Variants in SIPA1L3 observed in about 807,000 individuals in gnomAD.
SIPA1L3 encodes the protein signal-induced proliferation-associated 1-like protein 3.
A neutral mutation model predicts 150.1 loss-of-function variants in SIPA1L3; 59 were observed. The ratio of observed to expected loss-of-function variants is 0.39; its 90% CI spans 0.32 to 0.49. SIPA1L3 has a LOEUF of 0.49. Ranked by LOEUF, SIPA1L3 falls within the 20% of genes least tolerant of loss-of-function variation. The pLI is 0.86. For missense variants in SIPA1L3, 2,211 were observed against 2,489.5 expected, an observed-to-expected ratio of 0.89 and a Z score of 2.38; for synonymous variants, 1,070 against 1,077.6, an observed-to-expected ratio of 0.99 and a Z score of 0.14.
chr19:38,014,249 A>G (rs1292330805), intron 1 of SIPA1L3, among the ~76,000 whole-genome samples: 2 of 152,226 alleles, frequency 1.3e-5, no homozygotes, highest in African/African-American at 2.4e-5. Flanking sequence ...GCCAGGTGCC[A>G]TGGTGAGAAT....
chr19:38,060,962 G>A (rs1232567758), intron 2 of SIPA1L3, among the ~76,000 whole-genome samples: 2 of 152,252 alleles, frequency 1.3e-5, no homozygotes, highest in Non-Finnish European at 2.9e-5. Context: ...AGAGTGCTGG[G>A]ATTACAGGCG....
At chr19:37,965,757 C>G (rs2046898737) in intron 1 of SIPA1L3, among the ~76,000 whole-genome samples, 1 of 138,898 alleles carries the variant, frequency 7.2e-6, no homozygotes, top group Non-Finnish European at 1.5e-5. Context: ...TTAATTGTAT[C>G]TGGAATTTTT....
At chr19:37,983,905 CAA>C (rs397859822) in intron 1 of SIPA1L3, among the ~76,000 whole-genome samples, 131 of 75,866 alleles carry the variant, frequency 1.7e-3, no homozygotes, top group Non-Finnish European at 2.0e-3. Context: ...GACCCCATCT[CAA>C]AAAAAAAAAA....
At chr19:38,132,452 C>T (rs567731616) in intron 10 of SIPA1L3, among the ~76,000 whole-genome samples, 86 of 151,242 alleles carry the variant, frequency 5.7e-4, no homozygotes, top group African/African-American at 1.9e-3. Context: ...GGCGTGGTGG[C>T]GCATGCCTGT....
chr19:38,183,209 A>T (rs1445597435), intron 16 of SIPA1L3, among the ~76,000 whole-genome samples: 1 of 152,088 alleles, frequency 6.6e-6, no homozygotes, highest in Non-Finnish European at 1.5e-5. Context: ...CCTGACTGAG[A>T]TGGAGCCACG....
intron 8 of SIPA1L3, among the ~76,000 whole-genome samples, chr19:38,114,202 C>T (rs1459213650): frequency 6.6e-6 from 1 of 152,070 alleles, no homozygotes; most frequent in African/African-American, 2.4e-5. Context: ...AGGTGGATCA[C>T]CTGAGATCGG....
chr19:38,182,304 G>A (rs1195668096), intron 15 of SIPA1L3, among the ~76,000 whole-genome samples: 1 of 152,100 alleles, frequency 6.6e-6, no homozygotes, highest in East Asian at 1.9e-4. Flanking sequence ...GTGCTAGAAG[G>A]CCATCCTTGG....
intron 10 of SIPA1L3, chr19:38,130,980 G>T: frequency 1.7e-6 from 1 of 577,482 alleles, no homozygotes; most frequent in Non-Finnish European, 3.0e-6. Context: ...CCCTTCATAC[G>T]TGCATGATCG....
chr19:38,205,283 A>G (rs1221330097), intron 21 of SIPA1L3, among the ~76,000 whole-genome samples: 1 of 103,438 alleles, frequency 9.7e-6, no homozygotes, highest in Non-Finnish European at 1.9e-5. Flanking sequence ...AATATGGTGA[A>G]ACCCCGTCTC....
At position 37,921,247 on chromosome 19, in the gene SIPA1L3, C is replaced by T. The variant is rs553832350; in HGVS notation, c.-379+13889C>T. Among the ~76,000 whole-genome samples the T allele has an allele frequency of 1.3e-3, 191 of 152,350 alleles. 1 individual carries two copies. The highest frequency in any genetic ancestry group is 5.6e-3 in the South Asian group (27 of 4,828). On this transcript the variant is annotated intron_variant, in intron 1 of 21. Coordinates refer to ENST00000222345, the MANE Select transcript of SIPA1L3 (RefSeq NM_015073.3). Reference sequence around the variant, plus strand: ...TTACGGCCGGCCGGCGTGCGCTCCCCGCTCCCATCACTGCATTTGTGCTTT... The same window carrying T: ...TTACGGCCGGCCGGCGTGCGCTCCCTGCTCCCATCACTGCATTTGTGCTTT...
intron 12 of SIPA1L3, among the ~76,000 whole-genome samples, chr19:38,149,476 C>G (rs968395673): frequency 1.3e-5 from 2 of 152,106 alleles, no homozygotes; most frequent in African/African-American, 4.8e-5. Context: ...AGAGATGAAA[C>G]AAGGTAAAAT....
chr19:38,090,322 C>G (rs531872147), intron 4 of SIPA1L3, among the ~76,000 whole-genome samples: 1 of 144,694 alleles, frequency 6.9e-6, no homozygotes, highest in Non-Finnish European at 1.5e-5. Context: ...AAATGCAAAA[C>G]TCCATCTCAA....
intron 2 of SIPA1L3, among the ~76,000 whole-genome samples, chr19:38,034,591 G>A (rs1248339176): frequency 6.6e-6 from 1 of 152,174 alleles, no homozygotes; most frequent in Non-Finnish European, 1.5e-5. Context: ...CTTCCAGCAA[G>A]GGCAGAGCCC....
At position 38,119,356 on chromosome 19, in the gene SIPA1L3, C is replaced by A; in HGVS notation, c.2342C>A (p.Pro781His). Residue 781 changes from proline to histidine, a missense_variant, in exon 9 of 22, where the codon CCC becomes CAC. By Grantham distance (77) the Pro-to-His change is moderately conservative (BLOSUM62 -2). Around this residue, in one of 5 missense-constraint regions of SIPA1L3, gnomAD observed 625 missense variants for 804.2 expected, o/e 0.78. Transcript: ENST00000222345. ...GCTCCTCCTTTCGGCCCCCCCATCC[C>A]CAGTGGAACCACATTCCGCAAATCC... is the stretch of plus-strand genomic sequence containing the variant. ...KDAPPFGPPI[P>H]SGTTFRKSDV... 1 of 1,614,226 alleles carries A rather than the reference C, an allele frequency of 6.2e-7. No individual in the cohort carries two copies. Among genetic ancestry groups the A allele is most frequent in the Non-Finnish European group, 8.5e-7 (1 of 1,180,046 alleles).
intron 2 of SIPA1L3, among the ~76,000 whole-genome samples, chr19:38,061,816 G>A (rs903133087): frequency 6.6e-6 from 1 of 150,778 alleles, no homozygotes; most frequent in Non-Finnish European, 1.5e-5. Flanking sequence ...TTAGTTAACT[G>A]GTCGGTTGGT....
chr19:37,907,797 T>C (rs936653573), intron 1 of SIPA1L3: 1 of 152,266 alleles, frequency 6.6e-6, no homozygotes, highest in Admixed American at 6.5e-5. Context: ...GAAGATGTTA[T>C]CGATTGCATA....
At chr19:37,936,754 G>T (rs1243202796) in intron 1 of SIPA1L3, among the ~76,000 whole-genome samples, 1 of 152,168 alleles carries the variant, frequency 6.6e-6, no homozygotes, top group Non-Finnish European at 1.5e-5. Flanking sequence ...GGCTCTGGAG[G>T]CATGTACTGA....
chr19:38,192,429 C>T, intron 17 of SIPA1L3, 119 bp downstream of exon 17: 3 of 975,326 alleles, frequency 3.1e-6, no homozygotes, highest in Non-Finnish European at 4.4e-6. Flanking sequence ...CCGTCGTGTC[C>T]CCAGCCTTTG....
chr19:38,109,839 GA>G, intron 7 of SIPA1L3: 1 of 190,936 alleles, frequency 5.2e-6, no homozygotes, highest in Non-Finnish European at 1.1e-5. Context: ...AATGGGGACA[GA>G]AAAGCAAAGA....
Sources: allele counts gnomAD v4.1 joint callset (sites outside exome capture counted in the v4.1 genomes callset), GRCh38; gene constraint gnomAD v4.1.1; regional missense constraint gnomAD v4.1.1; transcripts MANE v1.5; gene names NCBI Gene and HGNC (gene_info 2026-07-23, HGNC 2026-07-21).